DDX42: variants seen among roughly 807,000 people sequenced by gnomAD.
The protein encoded by DDX42 is ATP-dependent RNA helicase DDX42.
Under a neutral mutation model 101.5 loss-of-function variants are expected in DDX42, and 22 were observed. The ratio of observed to expected loss-of-function variants is 0.22; its 90% CI spans 0.15 to 0.31. The LOEUF (loss-of-function observed/expected upper bound fraction) is 0.31. Ranked by LOEUF, DDX42 falls within the 10% of genes least tolerant of loss-of-function variation. The pLI, the probability that DDX42 is intolerant of heterozygous loss-of-function variation, is 1.00. For missense variants in DDX42, 849 were observed against 1,199.9 expected (o/e 0.71, Z 4.32); for synonymous variants, 402 against 401.2 (o/e 1.00, Z -0.02).
chr17:63,806,788 C>T, intron 8 of DDX42, 134 bp downstream of exon 8: 1 of 922,786 alleles, frequency 1.1e-6, no homozygotes, highest in Non-Finnish European at 1.5e-6. Context: ...ATTTATCACT[C>T]TTAAGAAGTC....
chr17:63,811,217 C>G, intron 13 of DDX42, 44 bp downstream of exon 13: 1 of 1,379,138 alleles, frequency 7.3e-7, no homozygotes, highest in Non-Finnish European at 1.0e-6. Flanking sequence ...GGGTTTATTT[C>G]TCATATTATG....
intron 17 of DDX42, chr17:63,817,211 C>CA (rs2039987011): frequency 2.1e-6 from 1 of 478,938 alleles, no homozygotes; most frequent in Non-Finnish European, 3.7e-6. Context: ...TGTCCTGCAG[C>CA]AGGGTGTGTG....
intron 16 of DDX42, 28 bp downstream of exon 16, chr17:63,815,701 T>G: frequency 6.8e-7 from 1 of 1,462,812 alleles, no homozygotes; most frequent in Non-Finnish European, 9.5e-7. Flanking sequence ...CAGTAGTGCC[T>G]TTATAGTTGG....
At chr17:63,810,707 T>C (rs2039899607) in intron 12 of DDX42, 147 bp downstream of exon 12, 17 of 761,850 alleles carry the variant, frequency 2.2e-5, no homozygotes, top group South Asian at 2.1e-4. Context: ...TTATCTGAGC[T>C]GGACAGGATC....
At chr17:63,800,354 C>CT in intron 5 of DDX42, 114 bp from the exon 6 acceptor site, 1 of 898,838 alleles carries the variant, frequency 1.1e-6, no homozygotes, top group Non-Finnish European at 1.6e-6. Flanking sequence ...TCTTGCCTTA[C>CT]TTGGTAGGTA....
At chr17:63,774,671 A>T (rs1475725898) in intron 1 of DDX42, 1 of 152,514 alleles carries the variant, frequency 6.6e-6, no homozygotes. Context: ...AAGGATTTGC[A>T]GGGTGCCCGG....
At chr17:63,792,664 ATT>A (rs762239266) in intron 3 of DDX42, 102 bp downstream of exon 3, 412 of 1,036,990 alleles carry the variant, frequency 4.0e-4, no homozygotes, top group African/African-American at 8.4e-4. Flanking sequence ...TAGTCTTATT[ATT>A]TTTTTTTTTT....
chr17:63,811,844 A>G lies in DDX42; in HGVS notation c.1399-88A>G, dbSNP rs1364207183. On this transcript the variant is annotated intron_variant, in intron 13 of 17. Coordinates refer to ENST00000389924, the MANE Select transcript of DDX42 (RefSeq NM_203499.3). ...ACTGGGATTGTTCAAGGTCTTCTCG[A>G]TGCAGGTAGAAATATAATGCCTAGT... 1.6e-5 allele frequency: 24 copies of G among 1,486,732 alleles called. No homozygotes were observed. The East Asian group carries it at 5.4e-4, about 33-fold the overall frequency. 92.1% of individuals were successfully genotyped at this position (1,486,732 alleles called of 1,614,324 possible). A position where few individuals can be genotyped will look rare whatever the true frequency, so the allele number is the denominator to read the frequency against.
intron 5 of DDX42, among the ~76,000 whole-genome samples, chr17:63,799,874 G>T (rs963494571): frequency 1.3e-5 from 2 of 152,178 alleles, no homozygotes; most frequent in Admixed American, 1.3e-4. Context: ...TATTCAGCTT[G>T]CTTCTTTTTA....
At chr17:63,803,281 G>A (rs2584632) in intron 6 of DDX42, among the ~76,000 whole-genome samples, 48,934 of 151,988 alleles carry the variant, frequency 0.32, 8,595 homozygotes, top group South Asian at 0.58. Flanking sequence ...TCAAGTTTTA[G>A]TGTAAAATAA....
In DDX42 at chr17:63,815,087, C is replaced by A. The variant is rs557796396; in HGVS notation, c.1903-476C>A. Among the ~76,000 whole-genome samples, 15 of 152,316 alleles carry A rather than the reference C, an allele frequency of 9.8e-5. No homozygotes were observed. In the South Asian group the frequency reaches 3.1e-3, roughly 32 times the overall value. On this transcript the variant is annotated intron_variant, in intron 15 of 17. Transcript: ENST00000389924. The stretch of plus-strand genomic sequence containing the variant: ...AATAAAATTTTCAGTTGTGTGGCTA[C>A]CATCCTTTCTGGGAGTCTGTCCCTA...
rs80331055 is a variant in DDX42 at position 63,810,983 on chromosome 17, A to G, written c.1301-93A>G. On this transcript the variant is annotated intron_variant, in intron 12 of 17. Coordinates refer to ENST00000389924, the MANE Select transcript of DDX42 (RefSeq NM_203499.3). Reference sequence around the variant, plus strand: ...TTAAAGTTCAGGTGAGCTTATGTAAAAAAACTGAATAATCCTGAATGCCAA... The same window carrying G: ...TTAAAGTTCAGGTGAGCTTATGTAAGAAAACTGAATAATCCTGAATGCCAA... 2,418 of 1,033,446 alleles carry G rather than the reference A, an allele frequency of 2.3e-3. 34 individuals carry two copies. The African/African-American group carries it at 0.031, about 13-fold the overall frequency. 64.0% of individuals were successfully genotyped at this position (1,033,446 alleles called of 1,614,324 possible).
At position 63,787,042 on chromosome 17, in the gene DDX42, T is replaced by C. The variant is rs529420515; in HGVS notation, c.-8T>C. The C allele has an allele frequency of 3.0e-5, 49 of 1,614,076 alleles. No individual in the cohort carries two copies. In the South Asian group the frequency reaches 4.3e-4, roughly 14 times the overall value. On this transcript the variant is annotated 5_prime_UTR_variant, in exon 2 of 18. Transcript: ENST00000389924. ...TATCTTATTCCTAACAGGTCAGTCATTGGCACCATGAACTGGAATAAAGGT... is the reference window on the plus strand; with the variant it reads ...TATCTTATTCCTAACAGGTCAGTCACTGGCACCATGAACTGGAATAAAGGT...
At chr17:63,796,496 A>G (rs538729168) in intron 3 of DDX42, among the ~76,000 whole-genome samples, 110 of 152,316 alleles carry the variant, frequency 7.2e-4, no homozygotes, top group South Asian at 1.9e-3. Context: ...TTGTATTTTT[A>G]GTAGAGACAG....
At chr17:63,802,061 A>G (rs369891896) in intron 6 of DDX42, among the ~76,000 whole-genome samples, 35 of 152,316 alleles carry the variant, frequency 2.3e-4, no homozygotes, top group Admixed American at 8.5e-4. Context: ...TACTGCATCA[A>G]CATTTACATT....
intron 1 of DDX42, among the ~76,000 whole-genome samples, chr17:63,781,974 C>A (rs933748103): frequency 5.3e-5 from 8 of 151,956 alleles, no homozygotes; most frequent in Non-Finnish European, 1.0e-4. Context: ...TGTGCCACTG[C>A]ACTCCAGCCT....
chr17:63,780,748 G>C (rs1474264002), intron 1 of DDX42, among the ~76,000 whole-genome samples: 1 of 152,206 alleles, frequency 6.6e-6, no homozygotes, highest in East Asian at 1.9e-4. Context: ...CTGCCTGCCT[G>C]TTTGTGGCAG....
At position 63,805,064 on chromosome 17, in the gene DDX42, C is replaced by T; in HGVS notation, c.622-7C>T. On this transcript the variant is annotated splice_region_variant and splice_polypyrimidine_tract_variant and intron_variant, in intron 6 of 17. Transcript: ENST00000389924. ...TCTAGACTAACTTTGAATAATTGGA[C>T]CTGCAGATTGACTATCCACCATTTG... The T allele has an allele frequency of 6.2e-7, 1 of 1,600,674 alleles. No homozygotes were observed. Among genetic ancestry groups the T allele is most frequent in the Admixed American group, 1.8e-5 (1 of 55,648 alleles).
At chr17:63,817,641 A>T in intron 17 of DDX42, 53 bp from the exon 18 acceptor site, 1 of 1,558,474 alleles carries the variant, frequency 6.4e-7, no homozygotes, top group Non-Finnish European at 8.8e-7. Context: ...TTGTATATTC[A>T]AGTTTCTTGA....
Sources: allele counts gnomAD v4.1 joint callset (sites outside exome capture counted in the v4.1 genomes callset), GRCh38; gene constraint gnomAD v4.1.1; transcripts MANE v1.5; gene names NCBI Gene and HGNC (gene_info 2026-07-23, HGNC 2026-07-21).